The following DOCK10 variants were observed in gnomAD, a reference collection of about 807,000 sequenced individuals.
DOCK10 encodes the protein dedicator of cytokinesis protein 10.
In DOCK10, 145 loss-of-function variants were observed where a neutral mutation model predicts 280.1. That is an observed-to-expected ratio of 0.52 (90% CI 0.45 to 0.59). The LOEUF is 0.59. Ranked by LOEUF, DOCK10 falls within the 20% of genes least tolerant of loss-of-function variation. The probability of loss-of-function intolerance (pLI) is 0.00; values close to 1 mark genes in which losing one functional copy is unlikely to be tolerated. For missense variants in DOCK10, 2,368 were observed against 2,651.7 expected (o/e 0.89, Z 2.35); for synonymous variants, 915 against 942.2 (o/e 0.97, Z 0.53).
At chr2:224,929,150 T>C (rs1308710932) in intron 2 of DOCK10, among the ~76,000 whole-genome samples, 4 of 152,226 alleles carry the variant, frequency 2.6e-5, no homozygotes, top group Non-Finnish European at 5.9e-5. Flanking sequence ...AGATTCTGCC[T>C]AGTTTTATTT....
chr2:224,808,943 T>A (rs1306215389), intron 31 of DOCK10, among the ~76,000 whole-genome samples: 1 of 151,728 alleles, frequency 6.6e-6, no homozygotes, highest in Non-Finnish European at 1.5e-5. Context: ...AGAAACTGAG[T>A]GACAAGAGTA....
At chr2:224,843,076 G>T (rs1696079345) in intron 22 of DOCK10, among the ~76,000 whole-genome samples, 1 of 152,180 alleles carries the variant, frequency 6.6e-6, no homozygotes, top group Non-Finnish European at 1.5e-5. Flanking sequence ...GCGGGTGGGG[G>T]TGGCGGGGAA....
intron 1 of DOCK10, chr2:224,982,660 A>T (rs189219022): frequency 6.0e-6 from 2 of 335,992 alleles, no homozygotes; most frequent in East Asian, 3.4e-4. Flanking sequence ...AAGCTCTTCG[A>T]TTCTCCTTTC....
intron 1 of DOCK10, among the ~76,000 whole-genome samples, chr2:225,018,866 T>C (rs975274172): frequency 1.4e-5 from 2 of 147,674 alleles, no homozygotes; most frequent in African/African-American, 2.5e-5. Flanking sequence ...TATGTGTATA[T>C]ACATATGTAT....
At chr2:224,780,025 A>G (rs1351147148) in intron 50 of DOCK10, among the ~76,000 whole-genome samples, 5 of 152,214 alleles carry the variant, frequency 3.3e-5, no homozygotes. Context: ...AAGAGTTCTT[A>G]AAGGGCACAC....
At chr2:224,991,375 C>A (rs1005798248) in intron 1 of DOCK10, among the ~76,000 whole-genome samples, 30 of 152,180 alleles carry the variant, frequency 2.0e-4, no homozygotes, top group African/African-American at 7.2e-4. Context: ...GTAAGAAGAA[C>A]CCTTCTACAT....
rs1195307831 is a variant in DOCK10 at position 224,849,619 on chromosome 2, T to G, written c.2143-20A>C. ...AATACACTGTTTGAAAAGTTATGAG[T>G]TGAACAATTATGAGTGTCTGAAATT... is the stretch of plus-strand genomic sequence containing the variant. On this transcript the variant is annotated intron_variant, in intron 18 of 55. Transcript: ENST00000258390. 6.5e-7 allele frequency: 1 copy of G among 1,530,686 alleles called. No individual in the cohort carries two copies. The highest frequency in any genetic ancestry group is 2.3e-5 in the East Asian group (1 of 43,288). The allele number at this position is 1,530,686 out of a possible 1,614,324, so 94.8% of individuals were successfully genotyped here. A position where few individuals can be genotyped will look rare whatever the true frequency, so the allele number is the denominator to read the frequency against.
intron 50 of DOCK10, chr2:224,784,708 A>G (rs1453436969): frequency 7.8e-7 from 1 of 1,289,760 alleles, no homozygotes; most frequent in Non-Finnish European, 1.0e-6. Flanking sequence ...GAGCATGCAA[A>G]TGGAGAGCGA....
In DOCK10 at chr2:224,896,245, T is replaced by A. The variant is rs1451559978; in HGVS notation, c.416+50A>T. 4.6e-6 allele frequency: 5 copies of A among 1,086,082 alleles called. No individual in the cohort carries two copies. In the Admixed American group the frequency reaches 6.4e-5, roughly 14 times the overall value. 67.3% of individuals were successfully genotyped at this position (1,086,082 alleles called of 1,614,324 possible). ...ACAATGGCAGGACTAGAACAGAGGA[T>A]GTCATCTATATTTGGAAAAGACCAA... On this transcript the variant is annotated intron_variant, in intron 4 of 55. Coordinates refer to ENST00000258390, the MANE Select transcript of DOCK10 (RefSeq NM_014689.3).
At chr2:224,777,156 G>C (rs1391406538) in intron 51 of DOCK10, among the ~76,000 whole-genome samples, 1 of 152,190 alleles carries the variant, frequency 6.6e-6, no homozygotes, top group East Asian at 1.9e-4. Flanking sequence ...GAAGAGGTAA[G>C]TATTTGCTTT....
intron 11 of DOCK10, 140 bp downstream of exon 11, chr2:224,873,856 A>G: frequency 2.4e-6 from 2 of 830,816 alleles, no homozygotes; most frequent in Non-Finnish European, 1.8e-6. Context: ...GTAATGTGGG[A>G]AAAGGCTGTT....
At position 224,805,515 on chromosome 2, in the gene DOCK10, C is replaced by G; in HGVS notation, c.3829G>C (p.Ala1277Pro). 1 of 1,612,242 alleles carries G rather than the reference C, an allele frequency of 6.2e-7. No individual in the cohort carries two copies. Among genetic ancestry groups the G allele is most frequent in the Non-Finnish European group, 8.5e-7 (1 of 1,178,886 alleles). The change falls in exon 35 of 56, where the codon GCT becomes CCT. Residue 1277 changes from alanine to proline, a missense_variant. Physicochemically the swap from Ala to Pro is conservative, Grantham distance 27. Coordinates refer to ENST00000258390, the MANE Select transcript of DOCK10 (RefSeq NM_014689.3). The surrounding 1 kb of genome is among the most constrained non-coding windows in gnomAD (Gnocchi z 4.3). ...TCAGCATGGTTTACTGTAGAAATAG[C>G]TATTGATGAAAATGCTGTAAACACA... is the stretch of plus-strand genomic sequence containing the variant. ...LNSIAAFSSI[A>P]ISTVNHADSR...
Position 224,770,247 on chromosome 2 carries a change from G to T in DOCK10, c.6408C>A (p.Asp2136Glu), listed in dbSNP as rs145037309. The T allele has an allele frequency of 1.7e-5, 28 of 1,602,568 alleles. 1 individual carries two copies. Among genetic ancestry groups the T allele is most frequent in the Non-Finnish European group, 2.4e-5 (28 of 1,174,780 alleles). The change falls in exon 55 of 56, where the codon GAC becomes GAA. Residue 2136 changes from aspartate to glutamate, a missense_variant. Asp to Glu is a conservative substitution (Grantham distance 45). Transcript: ENST00000258390. The surrounding 1 kb of genome is among the most constrained non-coding windows in gnomAD (Gnocchi z 4.5). ...YQEELRSHYKDMLSELSTVMN... is the reference protein window; with the variant it reads ...YQEELRSHYKEMLSELSTVMN... ...TGACTGTGGAGAGTTCGCTGAGCATGTCCTTGTAGTGGGACCTCAGTTCTT... is the reference window on the plus strand; with the variant it reads ...TGACTGTGGAGAGTTCGCTGAGCATTTCCTTGTAGTGGGACCTCAGTTCTT...
intron 1 of DOCK10, among the ~76,000 whole-genome samples, chr2:224,963,674 A>G (rs1384455190): frequency 6.6e-6 from 1 of 152,258 alleles, no homozygotes; most frequent in African/African-American, 2.4e-5. Context: ...CAAAACTTCT[A>G]AGAAGTGACA....
chr2:224,853,664 G>GC, intron 16 of DOCK10, among the ~76,000 whole-genome samples: 1 of 152,214 alleles, frequency 6.6e-6, no homozygotes. Flanking sequence ...TTTCTCTTCA[G>GC]TTTCTACCAC....
chr2:224,816,763 A>T lies in DOCK10; in HGVS notation c.3268-50T>A, dbSNP rs1004376204. 5.8e-6 allele frequency: 6 copies of T among 1,038,482 alleles called. No homozygotes were observed. The African/African-American group carries it at 9.7e-5, about 17-fold the overall frequency. The allele number at this position is 1,038,482 out of a possible 1,614,324, so 64.3% of individuals were successfully genotyped here. A position where few individuals can be genotyped will look rare whatever the true frequency, so the allele number is the denominator to read the frequency against. ...CTATGACTTACAGACCAAGAAACTGAATAAAAACAAACAAACAAAATCTGC... is the reference window on the plus strand; with the variant it reads ...CTATGACTTACAGACCAAGAAACTGTATAAAAACAAACAAACAAAATCTGC... On this transcript the variant is annotated intron_variant, in intron 29 of 55. Coordinates refer to ENST00000258390, the MANE Select transcript of DOCK10 (RefSeq NM_014689.3).
chr2:224,946,873 G>T, intron 1 of DOCK10: 1 of 1,546,262 alleles, frequency 6.5e-7, no homozygotes, highest in Non-Finnish European at 8.7e-7. Context: ...ATTTCTTCTT[G>T]GTTTACTCTC....
rs1691902956 is a variant in DOCK10 at position 224,788,467 on chromosome 2, A to AT, written c.5418+596_5418+597insA. On this transcript the variant is annotated intron_variant, in intron 48 of 55. Coordinates refer to ENST00000258390, the MANE Select transcript of DOCK10 (RefSeq NM_014689.3). ...GCAATATATGCTAAATTGGTGTAGA[A>AT]CCATTTGTAAAATTGTATTAAAATT... Among the ~76,000 whole-genome samples, 18 of 152,184 alleles carry AT rather than the reference A, an allele frequency of 1.2e-4. 1 individual carries two copies. In the South Asian group the frequency reaches 3.7e-3, roughly 32 times the overall value.
At chr2:224,858,174 A>G (rs1261213149) in intron 14 of DOCK10, among the ~76,000 whole-genome samples, 1 of 152,242 alleles carries the variant, frequency 6.6e-6, no homozygotes, top group Non-Finnish European at 1.5e-5. Context: ...GAGCTTGAAC[A>G]ATAGCTTTTT....
Sources: allele counts gnomAD v4.1 joint callset (sites outside exome capture counted in the v4.1 genomes callset), GRCh38; gene constraint gnomAD v4.1.1; non-coding constraint Gnocchi (gnomAD v3.1); transcripts MANE v1.5; gene names NCBI Gene and HGNC (gene_info 2026-07-23, HGNC 2026-07-21).